AGBL4: variants seen among roughly 807,000 people sequenced by gnomAD.
AGBL4 encodes cytosolic carboxypeptidase 6.
A neutral mutation model predicts 66.4 loss-of-function variants in AGBL4; 58 were observed. The ratio of observed to expected loss-of-function variants is 0.87; its 90% CI spans 0.71 to 1.09. The LOEUF (loss-of-function observed/expected upper bound fraction) is 1.09. Ranked by LOEUF, AGBL4 falls within the 50% of genes least tolerant of loss-of-function variation. The pLI is 0.00. For synonymous variants in AGBL4, 234 were observed against 222.9 expected, an observed-to-expected ratio of 1.05 and a Z score of -0.44; for missense variants, 579 against 631.0, an observed-to-expected ratio of 0.92 and a Z score of 0.88.
At chr1:49,817,910 C>T (rs187955309) in intron 2 of AGBL4, among the ~76,000 whole-genome samples, 1 of 152,146 alleles carries the variant, frequency 6.6e-6, no homozygotes, top group Admixed American at 6.5e-5. Flanking sequence ...TTGAGACATC[C>T]GAGTAATGTC....
chr1:49,012,330 G>C (rs939004846), intron 5 of AGBL4, among the ~76,000 whole-genome samples: 1 of 152,112 alleles, frequency 6.6e-6, no homozygotes, highest in Non-Finnish European at 1.5e-5. Context: ...GAGACAGAGA[G>C]GGAGAAGAAA....
chr1:48,535,110 G>A (rs1292738122), intron 12 of AGBL4, among the ~76,000 whole-genome samples, 194 bp from the exon 13 acceptor site: 1 of 152,098 alleles, frequency 6.6e-6, no homozygotes, highest in African/African-American at 2.4e-5. Context: ...AGCCATGGGG[G>A]GATAGTGGCA....
intron 3 of AGBL4, among the ~76,000 whole-genome samples, chr1:49,251,144 G>T (rs1054573051): frequency 2.0e-5 from 3 of 152,104 alleles, no homozygotes; most frequent in African/African-American, 7.2e-5. Flanking sequence ...GTTCCCTGGG[G>T]CCCCAAACCA....
chr1:49,597,746 G>T (rs1271487467), intron 3 of AGBL4, among the ~76,000 whole-genome samples: 1 of 152,150 alleles, frequency 6.6e-6, no homozygotes, highest in Non-Finnish European at 1.5e-5. Context: ...TCCCTTGTAG[G>T]TTGTATTTAT....
intron 2 of AGBL4, among the ~76,000 whole-genome samples, chr1:49,800,377 T>C (rs1016793864): frequency 2.7e-4 from 41 of 150,990 alleles, no homozygotes; most frequent in Admixed American, 1.1e-3. Flanking sequence ...TCTTTTTTTT[T>C]ATTATACTTT....
chr1:48,657,176 C>T (rs1646034021), intron 7 of AGBL4, among the ~76,000 whole-genome samples: 1 of 152,150 alleles, frequency 6.6e-6, no homozygotes, highest in Non-Finnish European at 1.5e-5. Flanking sequence ...CCCAGTTCCC[C>T]AGGTTCCTCA....
intron 1 of AGBL4, among the ~76,000 whole-genome samples, chr1:49,875,888 T>C (rs1331964644): frequency 6.7e-6 from 1 of 150,162 alleles, no homozygotes; most frequent in Admixed American, 6.7e-5. Flanking sequence ...GGTTTTGATT[T>C]GCATTTCTCT....
At chr1:48,867,837 T>C (rs1029175505) in intron 5 of AGBL4, among the ~76,000 whole-genome samples, 1 of 152,210 alleles carries the variant, frequency 6.6e-6, no homozygotes, top group Non-Finnish European at 1.5e-5. Flanking sequence ...CACAGAATAA[T>C]ATTTGTCTAG....
At chr1:49,220,588 C>A (rs1372429544) in intron 4 of AGBL4, among the ~76,000 whole-genome samples, 2 of 152,106 alleles carry the variant, frequency 1.3e-5, no homozygotes, top group Non-Finnish European at 2.9e-5. Context: ...TTGCCCACCA[C>A]AACATCCAGT....
intron 6 of AGBL4, among the ~76,000 whole-genome samples, chr1:48,756,780 G>A (rs1643953297): frequency 6.6e-6 from 1 of 152,220 alleles, no homozygotes; most frequent in African/African-American, 2.4e-5. Flanking sequence ...CAGTGGGTGT[G>A]ATTTTCCAGG....
intron 5 of AGBL4, among the ~76,000 whole-genome samples, chr1:48,935,178 T>C (rs1655347972): frequency 6.6e-6 from 1 of 152,344 alleles, no homozygotes; most frequent in Non-Finnish European, 1.5e-5. Flanking sequence ...TTCCAAAATA[T>C]GCATTTCACT....
chr1:49,998,500 T>C (rs752603415), intron 1 of AGBL4, among the ~76,000 whole-genome samples: 1 of 152,060 alleles, frequency 6.6e-6, no homozygotes, highest in Non-Finnish European at 1.5e-5. Flanking sequence ...CTGAATTGTA[T>C]CAGACATTCA....
chr1:49,658,385 T>C (rs981780129), intron 3 of AGBL4, among the ~76,000 whole-genome samples: 4 of 152,120 alleles, frequency 2.6e-5, no homozygotes, highest in African/African-American at 9.7e-5. Flanking sequence ...TGTGGAGAAA[T>C]AGGAACACTT....
intron 9 of AGBL4, among the ~76,000 whole-genome samples, chr1:48,598,339 A>G (rs1645026951): frequency 6.6e-6 from 1 of 152,200 alleles, no homozygotes; most frequent in Non-Finnish European, 1.5e-5. Context: ...GAAATGCATC[A>G]CTAGGTTATT....
chr1:49,161,773 G>A (rs769749761), intron 4 of AGBL4, among the ~76,000 whole-genome samples: 2 of 152,008 alleles, frequency 1.3e-5, no homozygotes, highest in East Asian at 1.9e-4. Context: ...GTCTGTCCAC[G>A]GGGAAGCACA....
chr1:49,910,746 C>T (rs1381089682), intron 1 of AGBL4, among the ~76,000 whole-genome samples: 3 of 151,980 alleles, frequency 2.0e-5, no homozygotes, highest in Admixed American at 6.6e-5. Flanking sequence ...GAGGCCGAGG[C>T]GGGCAGATTG....
rs1202444324 is a variant in AGBL4, at chr1:49,050,252, A to G, written c.378-4452T>C. ...CTCAGATTCAGTCATGCATGACTGA[A>G]TGTTCTGAGTAAGCACACACACACA... On this transcript the variant is annotated intron_variant, in intron 4 of 13. Transcript: ENST00000371839. Among the ~76,000 whole-genome samples the G allele has an allele frequency of 2.0e-5, 3 of 152,086 alleles. No homozygotes were observed. The South Asian group carries it at 6.2e-4, about 32-fold the overall frequency.
At chr1:49,095,783 G>A (rs1289191058) in intron 4 of AGBL4, among the ~76,000 whole-genome samples, 1 of 151,282 alleles carries the variant, frequency 6.6e-6, no homozygotes, top group Non-Finnish European at 1.5e-5. Flanking sequence ...GCATGGGCAA[G>A]GACTTCATGT....
intron 6 of AGBL4, among the ~76,000 whole-genome samples, chr1:48,852,495 A>C (rs1647056401): frequency 6.6e-6 from 1 of 152,208 alleles, no homozygotes; most frequent in Non-Finnish European, 1.5e-5. Flanking sequence ...GCCTGAATTC[A>C]GTAGCAGCCC....
Sources: allele counts gnomAD v4.1 joint callset (sites outside exome capture counted in the v4.1 genomes callset), GRCh38; gene constraint gnomAD v4.1.1; transcripts MANE v1.5; gene names NCBI Gene and HGNC (gene_info 2026-07-23, HGNC 2026-07-21).